OTOA: variants seen among roughly 807,000 people sequenced by gnomAD.
OTOA encodes the protein cancer/testis antigen 108.
OTOA carries 70 observed loss-of-function variants against 110.8 expected under a neutral mutation model. That is an observed-to-expected ratio of 0.63 (90% confidence interval 0.52 to 0.77). The LOEUF is 0.77. Ranked by LOEUF, OTOA falls within the 30% of genes least tolerant of loss-of-function variation. The pLI is 0.00. For synonymous variants in OTOA, 373 were observed against 431.5 expected, an observed-to-expected ratio of 0.86 and a Z score of 1.68; for missense variants, 917 against 1,075.8, an observed-to-expected ratio of 0.85 and a Z score of 2.06.
chr16:21,690,125 C>T (rs2141663718), intron 8 of OTOA, among the ~76,000 whole-genome samples: 1 of 152,082 alleles, frequency 6.6e-6, no homozygotes, highest in East Asian at 1.9e-4. Context: ...AGGTGTTTAG[C>T]TGTGAAGGGG....
At chr16:21,685,403 A>G (rs1897695168) in intron 7 of OTOA, 42 bp downstream of exon 7, 1 of 1,602,888 alleles carries the variant, frequency 6.2e-7, no homozygotes, top group African/African-American at 1.3e-5. Flanking sequence ...GAAGTCCAGC[A>G]CCACGTGGTG....
rs1281987925 is a variant in OTOA at position 21,722,696 on chromosome 16, C to G, written c.1807-209C>G. Among the ~76,000 whole-genome samples the G allele has an allele frequency of 2.0e-5, 3 of 152,166 alleles. No homozygotes were observed. The East Asian group carries it at 5.8e-4, about 29-fold the overall frequency. On this transcript the variant is annotated intron_variant, in intron 17 of 28. Transcript: ENST00000646100. ...TATAAGCAAAATTGCGATGAGCATT[C>G]TCACACTTAAATGTCCGTGTTCATG...
rs1312460445 is a variant in OTOA, at chr16:21,691,651, A to G, written c.703A>G (p.Met235Val). 6.2e-7 allele frequency: 1 copy of G among 1,613,874 alleles called. No individual in the cohort carries two copies. The highest frequency in any genetic ancestry group is 8.5e-7 in the Non-Finnish European group (1 of 1,179,872). Residue 235 changes from methionine (M) to valine (V), a missense_variant, in exon 9 of 29, where the codon ATG becomes GTG. Coordinates refer to ENST00000646100, the MANE Select transcript of OTOA (RefSeq NM_144672.4). ...TTCCCAGAGAGCTCTCTATTCCTGG[A>G]TGACTGGAATACTGCAGACATCCTC... Reference protein sequence around the residue: ...AHSQRALYSWMTGILQTSSNA... With the variant: ...AHSQRALYSWVTGILQTSSNA...
At chr16:21,712,622 C>T (rs900166449) in intron 13 of OTOA, among the ~76,000 whole-genome samples, 21 of 151,602 alleles carry the variant, frequency 1.4e-4, no homozygotes, top group African/African-American at 4.8e-4. Context: ...AGGCAGATCA[C>T]GAGGTCAGGA....
At chr16:21,735,986 G>A (rs1288813460) in intron 21 of OTOA, among the ~76,000 whole-genome samples, 2 of 152,212 alleles carry the variant, frequency 1.3e-5, no homozygotes, top group Admixed American at 1.3e-4. Flanking sequence ...CCAGCATTAA[G>A]TATTAGCACT....
rs143853515 is a variant in OTOA at position 21,705,304 on chromosome 16, G to T, written c.1104+12G>T. On this transcript the variant is annotated intron_variant, in intron 12 of 28. Transcript: ENST00000646100. ...CTGGCGTCCAGAAGGTACAGCTGGGGTGCAAGGCCCTGAGGCCTCTGCCTC... is the reference window on the plus strand; with the variant it reads ...CTGGCGTCCAGAAGGTACAGCTGGGTTGCAAGGCCCTGAGGCCTCTGCCTC... 3 of 1,613,548 alleles carry T rather than the reference G, an allele frequency of 1.9e-6. No homozygotes were observed. Among genetic ancestry groups the T allele is most frequent in the East Asian group, 2.2e-5 (1 of 44,884 alleles).
intron 11 of OTOA, among the ~76,000 whole-genome samples, chr16:21,702,778 T>A (rs1203309217): frequency 4.6e-5 from 7 of 152,018 alleles, no homozygotes; most frequent in Non-Finnish European, 1.0e-4. Flanking sequence ...TGGGTTCAAG[T>A]GATTCTCCTG....
chr16:21,732,542 G>A (rs1024097304), intron 21 of OTOA, among the ~76,000 whole-genome samples: 7 of 151,778 alleles, frequency 4.6e-5, no homozygotes, highest in African/African-American at 1.7e-4. Flanking sequence ...ATGCCTTTGG[G>A]TCCTCATAGT....
At chr16:21,738,830 G>A (rs1336016915) in intron 22 of OTOA, among the ~76,000 whole-genome samples, 1 of 152,308 alleles carries the variant, frequency 6.6e-6, no homozygotes, top group Non-Finnish European at 1.5e-5. Context: ...AGGCTTGGGT[G>A]TTCTCTTGTT....
chr16:21,705,108 A>T (rs1898132920), intron 11 of OTOA, 61 bp from the exon 12 acceptor site: 2 of 1,613,506 alleles, frequency 1.2e-6, no homozygotes, highest in Non-Finnish European at 8.5e-7. Context: ...CACAAAATTG[A>T]ACCAGAATGG....
Position 21,722,193 on chromosome 16 carries a change from C to T in OTOA, c.1807-712C>T, listed in dbSNP as rs149493381. ...AGGAGAACTGCTTGAACCTGGAAGGCGGAGGTTGCAGTGAGCTGAGATTAC... is the reference window on the plus strand; with the variant it reads ...AGGAGAACTGCTTGAACCTGGAAGGTGGAGGTTGCAGTGAGCTGAGATTAC... On this transcript the variant is annotated intron_variant, in intron 17 of 28. Transcript: ENST00000646100. Among the ~76,000 whole-genome samples, 1,069 of 146,576 alleles carry T rather than the reference C, an allele frequency of 7.3e-3. 19 individuals carry two copies. Among genetic ancestry groups the T allele is most frequent in the African/African-American group, 0.025 (1,004 of 39,804 alleles).
chr16:21,756,661 A>G (rs1394047791), intron 27 of OTOA, among the ~76,000 whole-genome samples: 1 of 152,010 alleles, frequency 6.6e-6, no homozygotes, highest in Non-Finnish European at 1.5e-5. Context: ...ACTCTCCATT[A>G]GTACTTCTAA....
chr16:21,690,932 A>G (rs1392326779), intron 8 of OTOA, among the ~76,000 whole-genome samples: 1 of 151,918 alleles, frequency 6.6e-6, no homozygotes, highest in African/African-American at 2.4e-5. Flanking sequence ...CATCATTTAC[A>G]TTAGGTATAT....
At chr16:21,682,704 G>C (rs1183703560) in intron 6 of OTOA, among the ~76,000 whole-genome samples, 1 of 152,136 alleles carries the variant, frequency 6.6e-6, no homozygotes, top group Non-Finnish European at 1.5e-5. Flanking sequence ...AATTCTTTCA[G>C]TATTGAGAAA....
chr16:21,712,681 A>AT (rs1898393804), intron 13 of OTOA, among the ~76,000 whole-genome samples: 1 of 94,772 alleles, frequency 1.1e-5, no homozygotes, highest in Non-Finnish European at 2.9e-5. Context: ...TCTACTAAAA[A>AT]TAAAAAAAAA....
In OTOA at chr16:21,664,982, A is replaced by G. The variant is rs144255089; in HGVS notation, c.-5+750A>G. ...GGGAGACTCTGTCTCATGAATGAAT[A>G]AATAAATAAATAAATAAATAAATAA... is the stretch of plus-strand genomic sequence containing the variant. On this transcript the variant is annotated intron_variant, in intron 1 of 28. Transcript: ENST00000646100. Among the ~76,000 whole-genome samples the G allele has an allele frequency of 2.2e-3, 321 of 143,282 alleles. 2 individuals are homozygous for G. The highest frequency in any genetic ancestry group is 7.0e-3 in the African/African-American group (249 of 35,504). 94.0% of individuals were successfully genotyped at this position (143,282 alleles called of 152,430 possible). A position where few individuals can be genotyped will look rare whatever the true frequency, so the allele number is the denominator to read the frequency against.
intron 19 of OTOA, among the ~76,000 whole-genome samples, chr16:21,727,495 A>G (rs1898959183): frequency 6.6e-6 from 1 of 152,216 alleles, no homozygotes; most frequent in Admixed American, 6.5e-5. Context: ...GACTAGATTG[A>G]GACCCACAGA....
intron 18 of OTOA, among the ~76,000 whole-genome samples, chr16:21,723,887 A>G (rs566031489): frequency 6.6e-6 from 1 of 152,226 alleles, no homozygotes; most frequent in East Asian, 1.9e-4. Context: ...CTCAATACAC[A>G]TCTTGGGTTT....
chr16:21,704,900 T>C lies in OTOA; in HGVS notation c.981-269T>C, dbSNP rs943153617. On this transcript the variant is annotated intron_variant, in intron 11 of 28. Coordinates refer to ENST00000646100, the MANE Select transcript of OTOA (RefSeq NM_144672.4). ...CTGATTGGATCATGCCATGAGGTGA[T>C]GCCAGGACTCATTCTGATTGGATCG... is the stretch of plus-strand genomic sequence containing the variant. The C allele has an allele frequency of 2.3e-5, 18 of 778,926 alleles. No homozygotes were observed. In the Admixed American group the frequency reaches 3.1e-4, roughly 13 times the overall value. The allele number at this position is 778,926 out of a possible 1,614,324, so 48.3% of individuals were successfully genotyped here.
Sources: gnomAD v4.1 joint callset for allele counts (sites outside exome capture counted in the v4.1 genomes callset) on GRCh38, gnomAD v4.1.1 for gene constraint, MANE v1.5 for transcripts, NCBI Gene and HGNC (gene_info 2026-07-23, HGNC 2026-07-21) for gene names.